Variants in BTBD9 observed in about 807,000 individuals in gnomAD.
BTBD9 encodes the protein BTB domain containing 9.
A neutral mutation model predicts 64.3 loss-of-function variants in BTBD9; 49 were observed. The observed-to-expected ratio is 0.76, with a 90% confidence interval of 0.61 to 0.97. The LOEUF is 0.97. Ranked by LOEUF, BTBD9 falls within the 50% of genes least tolerant of loss-of-function variation. The pLI is 0.00. For missense variants in BTBD9, 598 were observed against 762.1 expected (o/e 0.78, Z 2.53); for synonymous variants, 260 against 274.7 (o/e 0.95, Z 0.53).
At chr6:38,382,033 A>G (rs1765956126) in intron 6 of BTBD9, among the ~76,000 whole-genome samples, 1 of 152,240 alleles carries the variant, frequency 6.6e-6, no homozygotes, top group South Asian at 2.1e-4. Context: ...AAAATCAACT[A>G]AAGTACTGGC....
At chr6:38,241,833 C>T (rs4711527) in intron 9 of BTBD9, among the ~76,000 whole-genome samples, 126,065 of 152,072 alleles carry the variant, frequency 0.83, 52,400 homozygotes, top group East Asian at 0.95. Flanking sequence ...TGGAAGGAAA[C>T]AGTCTAATAA....
Position 38,171,116 on chromosome 6 carries a change from C to T in BTBD9, c.*3869G>A, listed in dbSNP as rs745801297. 2 of 152,188 alleles carry T rather than the reference C, an allele frequency of 1.3e-5. No individual in the cohort carries two copies. The highest frequency in any genetic ancestry group is 2.4e-5 in the African/African-American group (1 of 41,442). The allele number at this position is 152,188 out of a possible 1,614,324, so 9.4% of individuals were successfully genotyped here. On this transcript the variant is annotated 3_prime_UTR_variant, in exon 11 of 11. Transcript: ENST00000481247. ...AAGTGGCCTCAGTACACAGAACGCT[C>T]GCTTTTTATTGTAGATTATACCTTC...
At chr6:38,246,237 T>C (rs1449081602) in intron 9 of BTBD9, among the ~76,000 whole-genome samples, 1 of 152,176 alleles carries the variant, frequency 6.6e-6, no homozygotes, top group African/African-American at 2.4e-5. Flanking sequence ...AAAAGATAAG[T>C]CCCCTTTAAA....
At chr6:38,409,589 C>G (rs554006444) in intron 6 of BTBD9, among the ~76,000 whole-genome samples, 2 of 152,022 alleles carry the variant, frequency 1.3e-5, no homozygotes, top group Non-Finnish European at 2.9e-5. Flanking sequence ...CTTTGGGAGG[C>G]CGAGGTGGGC....
chr6:38,261,158 T>G (rs1764776402), intron 8 of BTBD9, among the ~76,000 whole-genome samples: 4 of 152,102 alleles, frequency 2.6e-5, no homozygotes, highest in Admixed American at 2.6e-4. Context: ...ACTCCTGGCC[T>G]TAAGCAATCC....
At chr6:38,406,250 T>C (rs1177099992) in intron 6 of BTBD9, among the ~76,000 whole-genome samples, 1 of 152,174 alleles carries the variant, frequency 6.6e-6, no homozygotes, top group Non-Finnish European at 1.5e-5. Context: ...AGAGTAACCA[T>C]AAGGAGCATC....
At position 38,339,769 on chromosome 6, in the gene BTBD9, G is replaced by A. The variant is rs957335310; in HGVS notation, c.1264+5215C>T. On this transcript the variant is annotated intron_variant, in intron 7 of 10. Transcript: ENST00000481247. ...ACAATGTAAGTATTTCACATAGTTA[G>A]GAAACAAAAGTCTTTTAAAGGCAAT... Among the ~76,000 whole-genome samples, 17 of 152,254 alleles carry A rather than the reference G, an allele frequency of 1.1e-4. 1 individual carries two copies. The Middle Eastern group carries it at 0.01, about 91-fold the overall frequency.
At chr6:38,362,846 G>A (rs1439547319) in intron 6 of BTBD9, among the ~76,000 whole-genome samples, 7 of 152,102 alleles carry the variant, frequency 4.6e-5, no homozygotes, top group Non-Finnish European at 5.9e-5. Flanking sequence ...TGGCAGAGTT[G>A]CTCAAACATA....
chr6:38,247,697 C>A (rs1472670052), intron 9 of BTBD9, among the ~76,000 whole-genome samples: 1 of 152,190 alleles, frequency 6.6e-6, no homozygotes, highest in Admixed American at 6.5e-5. Context: ...CTTTAAGGAG[C>A]CCATGGAGAG....
chr6:38,383,563 C>CACAA (rs1229996883), intron 6 of BTBD9, among the ~76,000 whole-genome samples: 1 of 151,872 alleles, frequency 6.6e-6, no homozygotes, highest in African/African-American at 2.4e-5. Flanking sequence ...TACAAAATGG[C>CACAA]AACAAAAATA....
chr6:38,416,917 C>T (rs145758857), intron 6 of BTBD9, among the ~76,000 whole-genome samples: 10 of 152,172 alleles, frequency 6.6e-5, no homozygotes, highest in Admixed American at 2.0e-4. Context: ...TGCCCAAGGA[C>T]CTCGTGGTTT....
intron 6 of BTBD9, among the ~76,000 whole-genome samples, chr6:38,480,736 T>G (rs555635596): frequency 6.6e-6 from 1 of 152,342 alleles, no homozygotes; most frequent in East Asian, 1.9e-4. Context: ...GCCTGTCTTA[T>G]TCCCCACCTG....
At chr6:38,234,208 ATATAAC>A (rs56371675) in intron 9 of BTBD9, among the ~76,000 whole-genome samples, 55,688 of 151,796 alleles carry the variant, frequency 0.37, 11,022 homozygotes, top group Non-Finnish European at 0.45. Flanking sequence ...TCTTTCAAAT[ATATAAC>A]TATGTCTGTC....
At chr6:38,373,982 T>C (rs1765528069) in intron 6 of BTBD9, among the ~76,000 whole-genome samples, 1 of 151,948 alleles carries the variant, frequency 6.6e-6, no homozygotes. Flanking sequence ...TTTAAATATC[T>C]ACACTCAGCT....
chr6:38,557,651 T>C (rs1162256291), intron 6 of BTBD9, among the ~76,000 whole-genome samples: 1 of 152,186 alleles, frequency 6.6e-6, no homozygotes, highest in African/African-American at 2.4e-5. Flanking sequence ...TACCTGTTTA[T>C]AAAAACAAGG....
In BTBD9 at chr6:38,533,893, T is replaced by G. The variant is rs568767369; in HGVS notation, c.1154+43707A>C. ...CTATGGGATTCAATGAAAGCAGTAG[T>G]AGGAGGAAAGTTTATAGCTGTAAGT... is the stretch of plus-strand genomic sequence containing the variant. On this transcript the variant is annotated intron_variant, in intron 6 of 10. Transcript: ENST00000481247. Among the ~76,000 whole-genome samples the G allele has an allele frequency of 3.3e-5, 5 of 152,136 alleles. No homozygotes were observed. The East Asian group carries it at 7.7e-4, about 24-fold the overall frequency.
At chr6:38,394,175 T>G (rs999172409) in intron 6 of BTBD9, among the ~76,000 whole-genome samples, 1 of 152,114 alleles carries the variant, frequency 6.6e-6, no homozygotes, top group East Asian at 1.9e-4. Flanking sequence ...CTCATGAACT[T>G]AAGAGTCTAG....
At chr6:38,272,497 A>G (rs1043833530) in intron 8 of BTBD9, among the ~76,000 whole-genome samples, 4 of 152,180 alleles carry the variant, frequency 2.6e-5, no homozygotes. Flanking sequence ...AGAACTACTC[A>G]TTTAGACTCT....
At chr6:38,274,692 C>T (rs1462955255) in intron 8 of BTBD9, among the ~76,000 whole-genome samples, 5 of 152,128 alleles carry the variant, frequency 3.3e-5, no homozygotes, top group South Asian at 2.1e-4. Flanking sequence ...TACTGATTTG[C>T]GTATGTTGAA....
Sources: gnomAD v4.1 joint callset for allele counts (sites outside exome capture counted in the v4.1 genomes callset) on GRCh38, gnomAD v4.1.1 for gene constraint, MANE v1.5 for transcripts, NCBI Gene and HGNC (gene_info 2026-07-23, HGNC 2026-07-21) for gene names.